The following SYTL5 variants were observed in gnomAD, a reference collection of about 807,000 sequenced individuals.
SYTL5 encodes synaptotagmin-like protein 5.
In SYTL5, 34 loss-of-function variants were observed where a neutral mutation model predicts 55.9. The ratio of observed to expected loss-of-function variants is 0.61; its 90% CI spans 0.46 to 0.81. The LOEUF (loss-of-function observed/expected upper bound fraction) is 0.81, where lower values mean the gene tolerates loss of function less well. Ranked by LOEUF, SYTL5 falls within the 30% of genes least tolerant of loss-of-function variation. The pLI is 0.00. For synonymous variants in SYTL5, 221 were observed against 188.7 expected, an observed-to-expected ratio of 1.17 and a Z score of -1.40; for missense variants, 637 against 546.7, an observed-to-expected ratio of 1.17 and a Z score of -1.65.
At chrX:37,892,661 CATATATTAGTATATATGT>C in the SYTL5 span, among the ~76,000 whole-genome samples, 8 of 87,035 alleles carry the variant, frequency 9.2e-5, no homozygotes, top group East Asian at 1.3e-3. Context: ...AGTATATATA[CATATATTAGTATATATGT>C]ATATATTAGT....
At chrX:38,010,007 T>G (rs1411628982) in intron 1 of SYTL5, among the ~76,000 whole-genome samples, 1 of 112,138 alleles carries the variant, frequency 8.9e-6, no homozygotes, top group Admixed American at 9.5e-5. Context: ...TGAAATCATA[T>G]TGTGCAGGGG....
At chrX:38,018,544 A>C (rs1934436397) in intron 1 of SYTL5, among the ~76,000 whole-genome samples, 1 of 110,773 alleles carries the variant, frequency 9.0e-6, no homozygotes. Flanking sequence ...AACATATCTA[A>C]ATTGCAATTA....
the SYTL5 span, among the ~76,000 whole-genome samples, chrX:37,961,659 T>A: frequency 1.4e-4 from 16 of 112,279 alleles, no homozygotes; most frequent in South Asian, 1.5e-3. Context: ...ATAATTTACA[T>A]GCTTTGCATA....
At chrX:38,091,103 C>T (rs1410885450) in intron 7 of SYTL5, among the ~76,000 whole-genome samples, 1 of 111,699 alleles carries the variant, frequency 9.0e-6, no homozygotes, top group Non-Finnish European at 1.9e-5. Context: ...TATCTTTAAG[C>T]AGGATTTGGG....
At chrX:38,082,512 T>C (rs1936560029) in intron 6 of SYTL5, among the ~76,000 whole-genome samples, 2 of 112,666 alleles carry the variant, frequency 1.8e-5, no homozygotes, top group Non-Finnish European at 3.7e-5. Flanking sequence ...ATATGCCAGA[T>C]GGTAAATGTG....
chrX:38,106,572 T>C (rs1306409069), intron 10 of SYTL5, 21 bp from the exon 11 acceptor site: 1 of 1,155,112 alleles, frequency 8.7e-7, no homozygotes, highest in Non-Finnish European at 1.2e-6. Flanking sequence ...TAGAAGCCTT[T>C]TTCCATCTTG....
intron 2 of SYTL5, among the ~76,000 whole-genome samples, chrX:38,051,873 G>A (rs763648573): frequency 2.7e-5 from 3 of 111,261 alleles, no homozygotes; most frequent in Non-Finnish European, 5.6e-5. Flanking sequence ...ATGTTTGTAG[G>A]GTAGGAGACG....
At chrX:38,063,055 C>T (rs1935998497) in intron 3 of SYTL5, among the ~76,000 whole-genome samples, 2 of 110,689 alleles carry the variant, frequency 1.8e-5, no homozygotes, top group South Asian at 7.9e-4. Context: ...TGCCCTCTTA[C>T]TGAGACTCTC....
chrX:37,963,380 T>A, the SYTL5 span, among the ~76,000 whole-genome samples: 8 of 107,621 alleles, frequency 7.4e-5, no homozygotes, highest in Non-Finnish European at 1.3e-4. Context: ...CCTCTGCCTC[T>A]TGGGTTCAAG....
intron 6 of SYTL5, among the ~76,000 whole-genome samples, chrX:38,082,156 A>T (rs1365576147): frequency 8.9e-6 from 1 of 112,046 alleles, no homozygotes; most frequent in African/African-American, 3.2e-5. Flanking sequence ...CCCATGCTTC[A>T]TTCCTGTGAT....
At chrX:37,950,700 T>C in the SYTL5 span, among the ~76,000 whole-genome samples, 2 of 111,547 alleles carry the variant, frequency 1.8e-5, no homozygotes, top group East Asian at 5.6e-4. Context: ...TAGAAAATAT[T>C]ATTCATTAAC....
chrX:37,901,991 A>G, the SYTL5 span, among the ~76,000 whole-genome samples: 1 of 112,421 alleles, frequency 8.9e-6, no homozygotes, highest in Non-Finnish European at 1.9e-5. Flanking sequence ...ATAACACATT[A>G]TCTATAACAA....
chrX:38,052,169 C>A (rs1935640367), intron 2 of SYTL5, among the ~76,000 whole-genome samples: 1 of 111,657 alleles, frequency 9.0e-6, no homozygotes, highest in Non-Finnish European at 1.9e-5. Flanking sequence ...GAATGATGTA[C>A]TCTGTAAGAA....
chrX:37,959,809 C>A, the SYTL5 span, among the ~76,000 whole-genome samples: 1 of 111,859 alleles, frequency 8.9e-6, no homozygotes, highest in East Asian at 2.8e-4. Context: ...CTCAGCATTG[C>A]CCTTGTAGCG....
chrX:38,061,355 A>C (rs772133407), intron 3 of SYTL5, among the ~76,000 whole-genome samples: 32 of 112,023 alleles, frequency 2.9e-4, no homozygotes, highest in Non-Finnish European at 1.7e-4. Flanking sequence ...CTTGTTTGCT[A>C]TTCATGGAGT....
chrX:38,058,810 C>T (rs1935860866), intron 3 of SYTL5, among the ~76,000 whole-genome samples: 3 of 111,214 alleles, frequency 2.7e-5, no homozygotes, highest in Non-Finnish European at 5.7e-5. Flanking sequence ...GTTCCTAGAA[C>T]ATCTTGAACC....
the SYTL5 span, among the ~76,000 whole-genome samples, chrX:37,998,286 G>T: frequency 1.8e-5 from 2 of 112,303 alleles, no homozygotes; most frequent in African/African-American, 6.5e-5. Context: ...CCCCTTGCTC[G>T]CCATGTTGCA....
intron 9 of SYTL5, among the ~76,000 whole-genome samples, chrX:38,099,351 C>T (rs2147566090): frequency 9.0e-6 from 1 of 110,829 alleles, no homozygotes; most frequent in African/African-American, 3.3e-5. Context: ...GTGATGACTA[C>T]TGGGTAATTG....
chrX:38,068,169 T>A (rs1184399930), intron 3 of SYTL5, among the ~76,000 whole-genome samples: 1 of 112,027 alleles, frequency 8.9e-6, no homozygotes. Flanking sequence ...AACAAGCATA[T>A]GAAAAAAATA....
Sources: allele counts gnomAD v4.1 joint callset (sites outside exome capture counted in the v4.1 genomes callset), GRCh38; gene constraint gnomAD v4.1.1; transcripts MANE v1.5; gene names NCBI Gene and HGNC (gene_info 2026-07-23, HGNC 2026-07-21).